TBC1D1: variants seen among roughly 807,000 people sequenced by gnomAD.
The protein encoded by TBC1D1 is TBC1 domain family member 1.
In TBC1D1, 89 loss-of-function variants were observed where a neutral mutation model predicts 125.6. The ratio of observed to expected loss-of-function variants is 0.71; its 90% CI spans 0.60 to 0.85. TBC1D1 has a LOEUF of 0.85. Among genes scored for constraint, TBC1D1 ranks in the 40% least tolerant of loss-of-function variants. The pLI, the probability that TBC1D1 is intolerant of heterozygous loss-of-function variation, is 0.00. For synonymous variants in TBC1D1, 565 were observed against 564.1 expected, an observed-to-expected ratio of 1.00 and a Z score of -0.02; for missense variants, 1,377 against 1,469.2, an observed-to-expected ratio of 0.94 and a Z score of 1.03.
chr4:38,088,618 A>G (rs1433375504), intron 12 of TBC1D1, among the ~76,000 whole-genome samples: 1 of 152,004 alleles, frequency 6.6e-6, no homozygotes, highest in Non-Finnish European at 1.5e-5. Context: ...CCCCTAGTAA[A>G]GATATGATAG....
Position 38,018,442 on chromosome 4 carries a change from A to G in TBC1D1, c.971A>G (p.Gln324Arg). 3 of 1,583,498 alleles carry G rather than the reference A, an allele frequency of 1.9e-6. No individual in the cohort carries two copies. The highest frequency in any genetic ancestry group is 2.6e-6 in the Non-Finnish European group (3 of 1,161,166). Residue 324 changes from glutamine (Q) to arginine (R), a missense_variant and splice_region_variant, in exon 4 of 20, where the codon CAG becomes CGG. Gln to Arg is a conservative substitution (Grantham distance 43). Around this residue, in one of 3 missense-constraint regions of TBC1D1, gnomAD observed 822 missense variants for 824.6 expected, o/e 1.00. Coordinates refer to ENST00000261439, the MANE Select transcript of TBC1D1 (RefSeq NM_015173.4). ...TTTAAGGAGATATCCTTTTGCTCTCAGGTAAATGGAGATGGGTTTTTTTAT... is the reference window on the plus strand; with the variant it reads ...TTTAAGGAGATATCCTTTTGCTCTCGGGTAAATGGAGATGGGTTTTTTTAT...
intron 2 of TBC1D1, among the ~76,000 whole-genome samples, chr4:37,944,184 G>A (rs1325693474): frequency 2.0e-5 from 3 of 152,182 alleles, no homozygotes; most frequent in Admixed American, 6.5e-5. Context: ...CTGCCTGATC[G>A]TTCCTCTGGA....
rs554392358 is a variant in TBC1D1 at position 38,115,668 on chromosome 4, T to C, written c.2558-42T>C. On this transcript the variant is annotated intron_variant, in intron 15 of 19. Transcript: ENST00000261439. Reference sequence around the variant, plus strand: ...ATTTCTGGTTCAATAGGCTTTCTTTTTTTGTTTTTATTATTACAACTAATA... The same window carrying C: ...ATTTCTGGTTCAATAGGCTTTCTTTCTTTGTTTTTATTATTACAACTAATA... The C allele has an allele frequency of 3.9e-5, 61 of 1,570,956 alleles. No individual in the cohort carries two copies. The South Asian group carries it at 6.4e-4, about 17-fold the overall frequency.
intron 1 of TBC1D1, among the ~76,000 whole-genome samples, chr4:37,900,609 G>A (rs922594868): frequency 6.6e-6 from 1 of 152,124 alleles, no homozygotes; most frequent in Non-Finnish European, 1.5e-5. Context: ...CCATATGCTA[G>A]GGGAGTGGGG....
At chr4:37,906,912 T>A (rs1717472906) in intron 2 of TBC1D1, among the ~76,000 whole-genome samples, 1 of 152,226 alleles carries the variant, frequency 6.6e-6, no homozygotes, top group Admixed American at 6.5e-5. Flanking sequence ...GACCATCGGT[T>A]TATTTGGGTT....
At chr4:38,024,519 CA>C (rs1051342569) in intron 6 of TBC1D1, among the ~76,000 whole-genome samples, 1 of 152,168 alleles carries the variant, frequency 6.6e-6, no homozygotes, top group African/African-American at 2.4e-5. Context: ...ATCCATCTAT[CA>C]CCTGATAAAA....
chr4:38,054,540 C>A (rs1281287477), intron 12 of TBC1D1, among the ~76,000 whole-genome samples: 1 of 152,184 alleles, frequency 6.6e-6, no homozygotes, highest in East Asian at 1.9e-4. Flanking sequence ...TTTAGGGTAA[C>A]CTCTCCATAA....
intron 2 of TBC1D1, among the ~76,000 whole-genome samples, chr4:37,921,882 T>A (rs933328578): frequency 1.4e-5 from 2 of 147,734 alleles, no homozygotes; most frequent in Non-Finnish European, 3.0e-5. Context: ...ACTACAGGCG[T>A]GCACACCATA....
chr4:38,052,772 A>C (rs1751000360), intron 11 of TBC1D1, among the ~76,000 whole-genome samples: 2 of 148,800 alleles, frequency 1.3e-5, no homozygotes, highest in Non-Finnish European at 1.5e-5. Context: ...ACAGGATAAC[A>C]TCTGTGTTTG....
At position 37,946,634 on chromosome 4, in the gene TBC1D1, G is replaced by A. The variant is rs114032339; in HGVS notation, c.417+44122G>A. Among the ~76,000 whole-genome samples, 664 of 152,304 alleles carry A rather than the reference G, an allele frequency of 4.4e-3. 4 individuals carry two copies. The highest frequency in any genetic ancestry group is 0.014 in the African/African-American group (586 of 41,566). On this transcript the variant is annotated intron_variant, in intron 2 of 19. Coordinates refer to ENST00000261439, the MANE Select transcript of TBC1D1 (RefSeq NM_015173.4). ...CAACAGTGGCCCAGGGAAAAGGACT[G>A]TGGGCATGACCTGCAGGAAGAGGAA...
At chr4:37,988,123 C>T (rs1203026257) in intron 2 of TBC1D1, among the ~76,000 whole-genome samples, 1 of 152,206 alleles carries the variant, frequency 6.6e-6, no homozygotes, top group Admixed American at 6.5e-5. Flanking sequence ...TGCATGTAAA[C>T]CGTCAAGCAC....
chr4:38,025,319 G>A (rs954048316), intron 6 of TBC1D1, among the ~76,000 whole-genome samples: 2 of 152,162 alleles, frequency 1.3e-5, no homozygotes, highest in African/African-American at 2.4e-5. Flanking sequence ...GGCATCACCT[G>A]GGCCTCTCTG....
At chr4:38,094,418 C>A (rs1007980855) in intron 13 of TBC1D1, among the ~76,000 whole-genome samples, 6 of 152,102 alleles carry the variant, frequency 3.9e-5, no homozygotes, top group African/African-American at 1.4e-4. Context: ...GCTTACAAAC[C>A]GCATGGGTGT....
At chr4:37,996,052 G>A (rs1173199359) in intron 2 of TBC1D1, 4 of 516,704 alleles carry the variant, frequency 7.7e-6, no homozygotes, top group Non-Finnish European at 7.8e-6. Context: ...CAGCTACAAT[G>A]AGGGAATCCT....
intron 11 of TBC1D1, 131 bp from the exon 14 acceptor site, chr4:38,054,068 C>A: frequency 2.0e-6 from 2 of 1,005,068 alleles, no homozygotes; most frequent in Non-Finnish European, 3.0e-6. Context: ...CTTGATATAA[C>A]TTCTGTGATT....
At chr4:37,944,401 G>C (rs1022920740) in intron 2 of TBC1D1, among the ~76,000 whole-genome samples, 2 of 152,216 alleles carry the variant, frequency 1.3e-5, no homozygotes, top group African/African-American at 2.4e-5. Context: ...GGTTTCTGCT[G>C]CCTTTTGTTC....
chr4:38,125,350 A>G (rs1428471385), intron 18 of TBC1D1, among the ~76,000 whole-genome samples: 1 of 152,210 alleles, frequency 6.6e-6, no homozygotes, highest in African/African-American at 2.4e-5. Flanking sequence ...CATGGTGGCA[A>G]TGTTTAGCTG....
At position 37,902,497 on chromosome 4, in the gene TBC1D1, C is replaced by T. The variant is rs143128138; in HGVS notation, c.402C>T (p.Ala134=). 8.8e-5 allele frequency: 140 copies of T among 1,595,108 alleles called. No homozygotes were observed. Among genetic ancestry groups the T allele is most frequent in the Non-Finnish European group, 1.1e-4 (132 of 1,169,154 alleles). ...AGAGTATCTGCTATGTGTTCAAAGC[C>T]GATGATCAAACAAAAGTAAGTGAGA... Residue 134 remains alanine, a synonymous_variant, in exon 2 of 20, where the codon GCC becomes GCT. Transcript: ENST00000261439.
intron 12 of TBC1D1, among the ~76,000 whole-genome samples, chr4:38,087,178 A>G (rs1160983897): frequency 6.6e-6 from 1 of 152,258 alleles, no homozygotes; most frequent in African/African-American, 2.4e-5. Flanking sequence ...AGTAGAAAAC[A>G]TTAGGGAGAC....
Sources: gnomAD v4.1 joint callset for allele counts (sites outside exome capture counted in the v4.1 genomes callset) on GRCh38, gnomAD v4.1.1 for gene constraint, gnomAD v4.1.1 regional missense constraint, MANE v1.5 for transcripts, NCBI Gene and HGNC (gene_info 2026-07-23, HGNC 2026-07-21) for gene names.